The following SLC25A13 variants were observed in gnomAD, a reference collection of about 807,000 sequenced individuals.
SLC25A13 encodes solute carrier family 25 member 13.
SLC25A13 carries 70 observed loss-of-function variants against 85.5 expected under a neutral mutation model. That is an observed-to-expected ratio of 0.82 (90% confidence interval 0.68 to 1.00). SLC25A13 has a LOEUF of 1.00. Among genes scored for constraint, SLC25A13 ranks in the 50% least tolerant of loss-of-function variants. The pLI is 0.00. For missense variants in SLC25A13, 765 were observed against 819.8 expected (o/e 0.93, Z 0.82); for synonymous variants, 259 against 288.7 (o/e 0.90, Z 1.04).
intron 11 of SLC25A13, among the ~76,000 whole-genome samples, chr7:96,180,327 C>A (rs1444674132): frequency 1.3e-5 from 2 of 152,076 alleles, no homozygotes; most frequent in Admixed American, 6.5e-5. Context: ...TTCTGATAGA[C>A]CCTGATTTCT....
intron 1 of SLC25A13, among the ~76,000 whole-genome samples, chr7:96,303,638 T>G: frequency 6.6e-6 from 1 of 152,154 alleles, no homozygotes. Flanking sequence ...TGAGTGAGAT[T>G]TGGCAAATGT....
intron 1 of SLC25A13, among the ~76,000 whole-genome samples, chr7:96,311,701 T>C (rs545832373): frequency 1.7e-4 from 26 of 152,002 alleles, no homozygotes; most frequent in Admixed American, 1.4e-3. Flanking sequence ...AATGGGAAAA[T>C]AGAACCACAA....
chr7:96,134,107 C>T (rs1198368011), intron 14 of SLC25A13, among the ~76,000 whole-genome samples: 1 of 151,012 alleles, frequency 6.6e-6, no homozygotes, highest in Non-Finnish European at 1.5e-5. Context: ...CAGCTCACTG[C>T]AACCTCCACC....
intron 7 of SLC25A13, 124 bp downstream of exon 7, chr7:96,190,985 G>C: frequency 8.5e-7 from 1 of 1,180,146 alleles, no homozygotes; most frequent in Non-Finnish European, 1.2e-6. Flanking sequence ...AAAAACACAC[G>C]TTATCATATA....
At chr7:96,283,697 A>C in intron 2 of SLC25A13, 1 of 287,232 alleles carries the variant, frequency 3.5e-6, no homozygotes, top group Non-Finnish European at 6.8e-6. Flanking sequence ...AAATGATCAG[A>C]AAAAGAAGGT....
At chr7:96,288,609 A>G (rs992904012) in intron 2 of SLC25A13, among the ~76,000 whole-genome samples, 1 of 152,208 alleles carries the variant, frequency 6.6e-6, no homozygotes, top group Non-Finnish European at 1.5e-5. Flanking sequence ...CAAACGGCAC[A>G]CCAGGAGAAT....
intron 3 of SLC25A13, among the ~76,000 whole-genome samples, chr7:96,251,302 A>T (rs1045026261): frequency 6.6e-6 from 1 of 152,116 alleles, no homozygotes; most frequent in Non-Finnish European, 1.5e-5. Context: ...TAACGTAAGG[A>T]GAGAGTACCA....
chr7:96,120,229 A>T lies in SLC25A13; in HGVS notation c.*962T>A. 2.2e-6 allele frequency: 1 copy of T among 449,194 alleles called. No individual in the cohort carries two copies. Among genetic ancestry groups the T allele is most frequent in the Non-Finnish European group, 4.5e-6 (1 of 223,582 alleles). 27.8% of individuals were successfully genotyped at this position (449,194 alleles called of 1,614,324 possible). ...AGACCAAACAACTCAATCACTTTAC[A>T]AATAGTTTATTTCCACCTTCACAAA... On this transcript the variant is annotated 3_prime_UTR_variant, in exon 18 of 18. Transcript: ENST00000265631.
At chr7:96,270,043 G>T (rs1439923844) in intron 3 of SLC25A13, among the ~76,000 whole-genome samples, 1 of 152,048 alleles carries the variant, frequency 6.6e-6, no homozygotes, top group African/African-American at 2.4e-5. Context: ...AAGCTCAAGA[G>T]ACCTATTGTA....
At chr7:96,136,026 T>C (rs1792272220) in intron 14 of SLC25A13, among the ~76,000 whole-genome samples, 1 of 152,150 alleles carries the variant, frequency 6.6e-6, no homozygotes, top group Non-Finnish European at 1.5e-5. Context: ...ATTGGGTTTT[T>C]CTTTTTAAAT....
chr7:96,208,795 G>A (rs761037339), intron 5 of SLC25A13, 43 bp downstream of exon 5: 76 of 1,611,460 alleles, frequency 4.7e-5, no homozygotes, highest in Middle Eastern at 3.3e-4. Context: ...GTGAGCCACC[G>A]TGCCCGGCCA....
At chr7:96,217,461 A>T (rs1328809988) in intron 4 of SLC25A13, among the ~76,000 whole-genome samples, 1 of 152,264 alleles carries the variant, frequency 6.6e-6, no homozygotes, top group Non-Finnish European at 1.5e-5. Context: ...TATTCATAAT[A>T]GCCAAGCACT....
intron 1 of SLC25A13, among the ~76,000 whole-genome samples, chr7:96,299,311 T>C (rs949139580): frequency 6.6e-6 from 1 of 152,204 alleles, no homozygotes; most frequent in African/African-American, 2.4e-5. Context: ...TCTCAGGGTC[T>C]AGGGCAGAGA....
At chr7:96,172,922 C>A (rs1794066782) in intron 11 of SLC25A13, among the ~76,000 whole-genome samples, 1 of 152,116 alleles carries the variant, frequency 6.6e-6, no homozygotes, top group South Asian at 2.1e-4. Context: ...CCACGCCCGG[C>A]TAATTTTTTG....
intron 3 of SLC25A13, among the ~76,000 whole-genome samples, chr7:96,271,486 T>C (rs930324595): frequency 9.2e-5 from 14 of 152,072 alleles, no homozygotes; most frequent in African/African-American, 3.4e-4. Flanking sequence ...TAATACAAAA[T>C]CTAAAAGAAA....
intron 1 of SLC25A13, among the ~76,000 whole-genome samples, chr7:96,300,904 G>C (rs565214375): frequency 4.6e-5 from 7 of 152,078 alleles, no homozygotes; most frequent in Non-Finnish European, 1.0e-4. Flanking sequence ...GTGGCTGTTC[G>C]GAATTTCCAT....
intron 11 of SLC25A13, among the ~76,000 whole-genome samples, chr7:96,182,541 T>A (rs746637108): frequency 1.3e-5 from 2 of 152,146 alleles, no homozygotes; most frequent in Non-Finnish European, 2.9e-5. Context: ...GACTTACTAC[T>A]CCTCTGAGAA....
At chr7:96,291,993 C>A (rs1799142951) in intron 2 of SLC25A13, among the ~76,000 whole-genome samples, 1 of 152,176 alleles carries the variant, frequency 6.6e-6, no homozygotes, top group African/African-American at 2.4e-5. Flanking sequence ...GCATTTTAGA[C>A]CAATATCCCT....
At chr7:96,251,448 T>C (rs1430095863) in intron 3 of SLC25A13, among the ~76,000 whole-genome samples, 1 of 152,154 alleles carries the variant, frequency 6.6e-6, no homozygotes, top group African/African-American at 2.4e-5. Context: ...CACAAGAAGA[T>C]TTGGTGAGAA....
Sources: allele counts gnomAD v4.1 joint callset (sites outside exome capture counted in the v4.1 genomes callset), GRCh38; gene constraint gnomAD v4.1.1; transcripts MANE v1.5; gene names NCBI Gene and HGNC (gene_info 2026-07-23, HGNC 2026-07-21).